TFDP2: variants seen among roughly 807,000 people sequenced by gnomAD.
The protein encoded by TFDP2 is transcription factor Dp-2, also known as transcription factor Dp-2 (E2F dimerization partner 2).
TFDP2 carries 17 observed loss-of-function variants against 59.3 expected under a neutral mutation model. That is an observed-to-expected ratio of 0.29 (90% CI 0.20 to 0.43). TFDP2 has a LOEUF of 0.43. Ranked by LOEUF, TFDP2 falls within the 20% of genes least tolerant of loss-of-function variation. The pLI is 1.00. For synonymous variants in TFDP2, 180 were observed against 194.7 expected (o/e 0.92, Z 0.63); for missense variants, 391 against 528.8 (o/e 0.74, Z 2.56).
At chr3:142,145,024 T>C (rs1377338526) in intron 1 of TFDP2, among the ~76,000 whole-genome samples, 3 of 152,076 alleles carry the variant, frequency 2.0e-5, no homozygotes, top group African/African-American at 7.2e-5. Context: ...TGGAGAGAAA[T>C]AGATGTACAT....
At chr3:142,119,314 T>C (rs1370976462) in intron 1 of TFDP2, among the ~76,000 whole-genome samples, 1 of 152,172 alleles carries the variant, frequency 6.6e-6, no homozygotes, top group Non-Finnish European at 1.5e-5. Flanking sequence ...AAACTCTCAG[T>C]GTATCCGAGC....
intron 3 of TFDP2, among the ~76,000 whole-genome samples, chr3:142,064,216 G>T (rs2060004828): frequency 6.6e-6 from 1 of 152,124 alleles, no homozygotes; most frequent in Admixed American, 6.6e-5. Context: ...CCTCCCAAAT[G>T]CTGAGATGAC....
At chr3:142,092,972 C>T (rs1264693010) in intron 3 of TFDP2, 89 bp downstream of exon 3, 4 of 873,414 alleles carry the variant, frequency 4.6e-6, no homozygotes, top group Admixed American at 5.4e-5. Context: ...AATTATTATA[C>T]ATAAAGTAAT....
chr3:142,114,825 A>G (rs9819611), intron 1 of TFDP2, among the ~76,000 whole-genome samples: 8,121 of 152,262 alleles, frequency 0.053, 231 homozygotes, highest in African/African-American at 0.07. Flanking sequence ...ATATTTGTAC[A>G]GACACTTTCA....
chr3:142,087,916 T>C (rs1182622037), intron 3 of TFDP2, among the ~76,000 whole-genome samples: 3 of 152,220 alleles, frequency 2.0e-5, no homozygotes, highest in African/African-American at 7.2e-5. Context: ...CTCTGCTACA[T>C]TGTTACTTCC....
intron 3 of TFDP2, among the ~76,000 whole-genome samples, chr3:142,068,217 A>G (rs549381676): frequency 2.0e-5 from 3 of 152,294 alleles, no homozygotes; most frequent in South Asian, 4.1e-4. Flanking sequence ...AATGAACTGG[A>G]TATCTACATG....
At chr3:142,088,593 C>T (rs9850320) in intron 3 of TFDP2, among the ~76,000 whole-genome samples, 8,706 of 148,772 alleles carry the variant, frequency 0.059, 340 homozygotes, top group Non-Finnish European at 0.09. Flanking sequence ...TGAGCCACTG[C>T]GCCAGGTCTT....
At chr3:142,097,765 T>A (rs915464109) in intron 2 of TFDP2, among the ~76,000 whole-genome samples, 2 of 152,082 alleles carry the variant, frequency 1.3e-5, no homozygotes, top group Non-Finnish European at 2.9e-5. Flanking sequence ...TCACAGAAAT[T>A]AAATAGTAGC....
intron 10 of TFDP2, among the ~76,000 whole-genome samples, chr3:141,963,119 C>A (rs1381745579): frequency 6.6e-6 from 1 of 151,218 alleles, no homozygotes; most frequent in Non-Finnish European, 1.5e-5. Context: ...TCTCACTCTG[C>A]ACCCTATATA....
rs11569282 is a variant in TFDP2, at chr3:141,953,738, C to T, written c.1052-722G>A. 2.9e-4 allele frequency among the ~76,000 whole-genome samples: 43 copies of T among 150,042 alleles called. No homozygotes were observed. In the South Asian group the frequency reaches 8.3e-3, roughly 29 times the overall value. On this transcript the variant is annotated intron_variant, in intron 11 of 12. Coordinates refer to ENST00000489671, the MANE Select transcript of TFDP2 (RefSeq NM_001178139.2). ...TGCTGGTGTGCTGCACCGATTAACT[C>T]GTCATTTAGCATTAGGTATATCTCC...
chr3:142,016,715 C>T (rs58625168), intron 3 of TFDP2, among the ~76,000 whole-genome samples: 6,428 of 152,226 alleles, frequency 0.042, 471 homozygotes, highest in African/African-American at 0.15. Context: ...AATATTGCTA[C>T]TAGAAAATTT....
chr3:141,966,108 T>C (rs1938010449), intron 9 of TFDP2, among the ~76,000 whole-genome samples: 3 of 152,058 alleles, frequency 2.0e-5, no homozygotes, highest in South Asian at 4.1e-4. Context: ...GCTGTGTACA[T>C]TTAATAGTAT....
chr3:142,098,259 A>G (rs1576977823), intron 2 of TFDP2, among the ~76,000 whole-genome samples: 1 of 146,884 alleles, frequency 6.8e-6, no homozygotes, highest in Non-Finnish European at 1.5e-5. Flanking sequence ...TTAAAGATTC[A>G]TTGACAAGGC....
rs1935407376 is a variant in TFDP2, at chr3:141,947,728, G to A, written c.*4785C>T. The A allele has an allele frequency of 6.6e-6, 1 of 152,236 alleles. No homozygotes were observed. The highest frequency in any genetic ancestry group is 2.4e-5 in the African/African-American group (1 of 41,464). The allele number at this position is 152,236 out of a possible 1,614,324, so 9.4% of individuals were successfully genotyped here. On this transcript the variant is annotated 3_prime_UTR_variant, in exon 13 of 13. Coordinates refer to ENST00000489671, the MANE Select transcript of TFDP2 (RefSeq NM_001178139.2). ...AAAGTTCCCAAACAGACTCCAAAAT[G>A]AAGGCTTGAAACTGGAACAGTGGGG...
chr3:142,023,470 C>A lies in TFDP2; in HGVS notation c.83-17926G>T, dbSNP rs7431557. On this transcript the variant is annotated intron_variant, in intron 3 of 12. Coordinates refer to ENST00000489671, the MANE Select transcript of TFDP2 (RefSeq NM_001178139.2). ...CCTCCCAATGTGCTGGGATTACAGGCGTGAACCACCACGCCTGGCTGGGGG... is the reference window on the plus strand; with the variant it reads ...CCTCCCAATGTGCTGGGATTACAGGAGTGAACCACCACGCCTGGCTGGGGG... 2.0e-5 allele frequency among the ~76,000 whole-genome samples: 3 copies of A among 152,056 alleles called. No individual in the cohort carries two copies. In the East Asian group the frequency reaches 5.9e-4, roughly 30 times the overall value.
Position 142,099,116 on chromosome 3 carries a change from A to G in TFDP2, c.15+2619T>C, listed in dbSNP as rs370922820. 1.1e-4 allele frequency among the ~76,000 whole-genome samples: 16 copies of G among 152,308 alleles called. No individual in the cohort carries two copies. The East Asian group carries it at 1.2e-3, about 11-fold the overall frequency. ...TTAGTAATGCCTCTGTAAGAGGGCA[A>G]TCTCTTCCCTATCTACAATCTCTTC... On this transcript the variant is annotated intron_variant, in intron 2 of 12. Coordinates refer to ENST00000489671, the MANE Select transcript of TFDP2 (RefSeq NM_001178139.2).
intron 2 of TFDP2, among the ~76,000 whole-genome samples, chr3:142,096,888 G>C (rs963865974): frequency 6.6e-6 from 1 of 152,070 alleles, no homozygotes; most frequent in Non-Finnish European, 1.5e-5. Context: ...TCATAGGATC[G>C]AGTCAAATGA....
At chr3:142,079,522 C>G (rs1285155254) in intron 3 of TFDP2, among the ~76,000 whole-genome samples, 1 of 152,026 alleles carries the variant, frequency 6.6e-6, no homozygotes, top group Non-Finnish European at 1.5e-5. Context: ...AGAGAGATAT[C>G]AACATTCAAG....
At chr3:142,096,303 G>A (rs1291441227) in intron 2 of TFDP2, among the ~76,000 whole-genome samples, 1 of 151,968 alleles carries the variant, frequency 6.6e-6, no homozygotes, top group Non-Finnish European at 1.5e-5. Flanking sequence ...ATTTTGTAAA[G>A]ATTCAAAAAA....
Sources: allele counts gnomAD v4.1 joint callset (sites outside exome capture counted in the v4.1 genomes callset), GRCh38; gene constraint gnomAD v4.1.1; transcripts MANE v1.5; gene names NCBI Gene and HGNC (gene_info 2026-07-23, HGNC 2026-07-21).